The following PLXNA4 variants were observed in gnomAD, a reference collection of about 807,000 sequenced individuals.
The protein encoded by PLXNA4 is plexin A4, also known as plexin-A4.
A neutral mutation model predicts 191.8 loss-of-function variants in PLXNA4; 44 were observed. The ratio of observed to expected loss-of-function variants is 0.23; its 90% CI spans 0.18 to 0.29. The LOEUF (loss-of-function observed/expected upper bound fraction) is 0.29, where lower values mean the gene tolerates loss of function less well. PLXNA4 is among the 10% of genes least tolerant of loss of function. The pLI, the probability that PLXNA4 is intolerant of heterozygous loss-of-function variation, is 1.00. For synonymous variants in PLXNA4, 1,082 were observed against 1,009.5 expected (o/e 1.07, Z -1.36); for missense variants, 1,800 against 2,488.8 (o/e 0.72, Z 5.89).
Position 132,146,591 on chromosome 7 carries a change from G to A in PLXNA4, c.4974C>T (p.His1658=), listed in dbSNP as rs370460371. Residue 1658 remains histidine, a synonymous_variant, in exon 28 of 32, where the codon CAC becomes CAT. Coordinates refer to ENST00000321063, the MANE Select transcript of PLXNA4 (RefSeq NM_020911.2). The stretch of plus-strand genomic sequence containing the variant: ...CCCCCTCCTTCTGGTCTCCGTGCTC[G>A]TGGTTCTTCACTAGGTGCCACATCT... ...GVKMWHLVKN[H]EHGDQKEGDR... 410 of 1,614,182 alleles carry A rather than the reference G, an allele frequency of 2.5e-4. No individual in the cohort carries two copies. The highest frequency in any genetic ancestry group is 4.3e-4 in the Admixed American group (26 of 60,026).
intron 3 of PLXNA4, among the ~76,000 whole-genome samples, chr7:132,445,473 ATCTAG>A (rs1585145505): frequency 1.4e-5 from 2 of 147,648 alleles, no homozygotes; most frequent in African/African-American, 2.5e-5. Flanking sequence ...CACACAACAC[ATCTAG>A]TTGCCTACTG....
intron 1 of PLXNA4, among the ~76,000 whole-genome samples, chr7:132,523,506 C>T (rs1003747200): frequency 6.6e-6 from 1 of 152,184 alleles, no homozygotes; most frequent in African/African-American, 2.4e-5. Flanking sequence ...CCCAGAAGAG[C>T]ACGGAAGGAT....
At chr7:132,156,513 C>T (rs776869588) in intron 25 of PLXNA4, among the ~76,000 whole-genome samples, 23 of 152,162 alleles carry the variant, frequency 1.5e-4, no homozygotes, top group Non-Finnish European at 3.1e-4. Flanking sequence ...GGTGCTCCTG[C>T]CGTGCCAGGG....
chr7:132,377,613 C>T (rs768708325), intron 3 of PLXNA4, among the ~76,000 whole-genome samples: 58 of 152,084 alleles, frequency 3.8e-4, no homozygotes, highest in Admixed American at 3.3e-4. Flanking sequence ...TACAACATCC[C>T]TCATGGGTCC....
intron 2 of PLXNA4, among the ~76,000 whole-genome samples, chr7:132,601,914 A>C (rs1028041218): frequency 2.0e-5 from 3 of 152,240 alleles, no homozygotes; most frequent in Non-Finnish European, 4.4e-5. Context: ...CATTTCACAC[A>C]TGAGAAAAGC....
At chr7:132,137,160 C>T (rs1223778606) in intron 30 of PLXNA4, among the ~76,000 whole-genome samples, 1 of 152,164 alleles carries the variant, frequency 6.6e-6, no homozygotes. Flanking sequence ...AAGCTGTCAC[C>T]ATTTTATGTA....
At chr7:132,546,999 A>G (rs1800339827) in intron 1 of PLXNA4, among the ~76,000 whole-genome samples, 1 of 152,218 alleles carries the variant, frequency 6.6e-6, no homozygotes, top group South Asian at 2.1e-4. Flanking sequence ...AATTTGTTAC[A>G]AGTGGCCTGA....
chr7:132,173,987 C>T (rs1309639581), intron 21 of PLXNA4, among the ~76,000 whole-genome samples: 5 of 152,136 alleles, frequency 3.3e-5, no homozygotes, highest in African/African-American at 7.2e-5. Flanking sequence ...GTTTTGTCAC[C>T]TGTATAATGG....
intron 2 of PLXNA4, among the ~76,000 whole-genome samples, chr7:132,589,195 A>C (rs1802561517): frequency 6.6e-6 from 1 of 152,206 alleles, no homozygotes. Context: ...AGTAGGGGAC[A>C]AAACGGTAAA....
chr7:132,159,086 G>A (rs1795875393), intron 25 of PLXNA4, among the ~76,000 whole-genome samples: 1 of 152,204 alleles, frequency 6.6e-6, no homozygotes, highest in Non-Finnish European at 1.5e-5. Context: ...AACAGAGGCG[G>A]TGGCAGGACC....
intron 3 of PLXNA4, among the ~76,000 whole-genome samples, chr7:132,466,418 C>T (rs1462542384): frequency 1.3e-5 from 2 of 152,202 alleles, no homozygotes; most frequent in Non-Finnish European, 2.9e-5. Flanking sequence ...GTCCGGACCT[C>T]AGTTTCCTTG....
chr7:132,298,810 C>T (rs889972745), intron 3 of PLXNA4, among the ~76,000 whole-genome samples: 6 of 152,230 alleles, frequency 3.9e-5, no homozygotes, highest in South Asian at 2.1e-4. Flanking sequence ...GTTTTGTTCA[C>T]GTCCCCAGCA....
At chr7:132,571,108 A>C (rs1801959310) in intron 1 of PLXNA4, among the ~76,000 whole-genome samples, 1 of 151,992 alleles carries the variant, frequency 6.6e-6, no homozygotes, top group South Asian at 2.1e-4. Context: ...AAAAAAAAAA[A>C]GGCAAGTAAC....
intron 25 of PLXNA4, among the ~76,000 whole-genome samples, chr7:132,151,312 AGGAG>A (rs1562884901): frequency 2.9e-5 from 1 of 34,476 alleles, no homozygotes; most frequent in Non-Finnish European, 9.9e-5. Flanking sequence ...AGGAGGAAGA[AGGAG>A]GAGGAGGAGG....
intron 3 of PLXNA4, among the ~76,000 whole-genome samples, chr7:132,331,193 A>G (rs1283693876): frequency 6.6e-6 from 1 of 152,252 alleles, no homozygotes; most frequent in Non-Finnish European, 1.5e-5. Context: ...AAGAGCAATC[A>G]GGAGGCAGAG....
At chr7:132,354,007 G>A (rs1219176754) in intron 3 of PLXNA4, among the ~76,000 whole-genome samples, 1 of 152,134 alleles carries the variant, frequency 6.6e-6, no homozygotes, top group Non-Finnish European at 1.5e-5. Flanking sequence ...CCCAACACAT[G>A]TCCTCATTGC....
At chr7:132,139,810 A>G (rs1584754548) in intron 30 of PLXNA4, among the ~76,000 whole-genome samples, 1 of 152,342 alleles carries the variant, frequency 6.6e-6, no homozygotes, top group Admixed American at 6.5e-5. Context: ...TTCTGCATGT[A>G]TATTTCTTCA....
intron 3 of PLXNA4, among the ~76,000 whole-genome samples, chr7:132,365,336 T>TGC: frequency 8.7e-6 from 1 of 114,354 alleles, no homozygotes; most frequent in East Asian, 2.4e-4. Flanking sequence ...CGCGTGTGTG[T>TGC]GTGTGTGTGT....
chr7:132,267,811 C>T (rs1400697953), intron 4 of PLXNA4, among the ~76,000 whole-genome samples: 1 of 152,096 alleles, frequency 6.6e-6, no homozygotes, highest in South Asian at 2.1e-4. Context: ...AAGGAAAGAA[C>T]CCGTGGGGTT....
Sources: gnomAD v4.1 joint callset for allele counts (sites outside exome capture counted in the v4.1 genomes callset) on GRCh38, gnomAD v4.1.1 for gene constraint, MANE v1.5 for transcripts, NCBI Gene and HGNC (gene_info 2026-07-23, HGNC 2026-07-21) for gene names.